The following SWT1 variants were observed in gnomAD, a reference collection of about 807,000 sequenced individuals.
SWT1 encodes SWT1 RNA endoribonuclease homolog.
Under a neutral mutation model 107.3 loss-of-function variants are expected in SWT1, and 33 were observed. The ratio of observed to expected loss-of-function variants is 0.31; its 90% CI spans 0.23 to 0.41. SWT1 has a LOEUF of 0.41. Among genes scored for constraint, SWT1 ranks in the 10% least tolerant of loss-of-function variants. SWT1 has a pLI of 1.00. For synonymous variants in SWT1, 345 were observed against 348.3 expected (o/e 0.99, Z 0.11); for missense variants, 898 against 1,028.9 (o/e 0.87, Z 1.74).
intron 9 of SWT1, among the ~76,000 whole-genome samples, chr1:185,190,081 C>G (rs1405943260): frequency 6.6e-6 from 1 of 152,112 alleles, no homozygotes; most frequent in Non-Finnish European, 1.5e-5. Context: ...CTCCTGACCT[C>G]AAGTGATCTG....
chr1:185,196,914 T>G (rs1372572924), intron 10 of SWT1, among the ~76,000 whole-genome samples: 2 of 152,208 alleles, frequency 1.3e-5, no homozygotes, highest in African/African-American at 2.4e-5. Context: ...ACAATTTGAC[T>G]TCTTCTCTTC....
At chr1:185,162,193 C>T (rs1452635490) in intron 2 of SWT1, among the ~76,000 whole-genome samples, 1 of 152,164 alleles carries the variant, frequency 6.6e-6, no homozygotes, top group African/African-American at 2.4e-5. Context: ...ACCCCTCATT[C>T]CTTAAACCTA....
chr1:185,206,547 G>C (rs1248154904), intron 12 of SWT1, 78 bp from the exon 13 acceptor site: 1 of 832,874 alleles, frequency 1.2e-6, no homozygotes, highest in Admixed American at 3.1e-5. Context: ...AATATATGTA[G>C]GAATTCCTAA....
At chr1:185,244,419 A>G (rs993453036) in intron 16 of SWT1, among the ~76,000 whole-genome samples, 5 of 152,196 alleles carry the variant, frequency 3.3e-5, no homozygotes, top group South Asian at 4.1e-4. Flanking sequence ...TTGTAACACA[A>G]TGGTAATTAT....
chr1:185,171,629 T>TG, intron 4 of SWT1: 1 of 527,568 alleles, frequency 1.9e-6, no homozygotes. Flanking sequence ...TTCTATGGGG[T>TG]GGGTGCAATC....
intron 15 of SWT1, among the ~76,000 whole-genome samples, chr1:185,225,936 A>C (rs900792627): frequency 3.3e-5 from 5 of 152,256 alleles, no homozygotes; most frequent in Non-Finnish European, 7.3e-5. Context: ...TGTCATGCTA[A>C]AGAAATAACA....
chr1:185,211,020 C>CCGCT (rs36148427), intron 13 of SWT1, among the ~76,000 whole-genome samples: 46,269 of 151,680 alleles, frequency 0.31, 7,341 homozygotes, highest in Non-Finnish European at 0.36. Flanking sequence ...GAACTACAAA[C>CCGCT]CGCTGCTCAA....
In SWT1 at chr1:185,168,226, G is replaced by A. The variant is rs527244745; in HGVS notation, c.166-114G>A. 4.2e-5 allele frequency: 25 copies of A among 596,134 alleles called. 1 individual carries two copies. In the South Asian group the frequency reaches 4.5e-4, roughly 11 times the overall value. 36.9% of individuals were successfully genotyped at this position (596,134 alleles called of 1,614,324 possible). ...GGATGATGATAATATCCATCTCACC[G>A]GATTACTGGAAAGATTAAGTAAAAG... On this transcript the variant is annotated intron_variant, in intron 3 of 18. Coordinates refer to ENST00000367500, the MANE Select transcript of SWT1 (RefSeq NM_017673.7).
intron 1 of SWT1, chr1:185,157,626 G>A (rs929537548): frequency 2.0e-5 from 3 of 152,224 alleles, no homozygotes; most frequent in African/African-American, 7.3e-5. Flanking sequence ...TTGGAATTAG[G>A]GTCTGTTCTT....
Position 185,214,548 on chromosome 1 carries a change from C to G in SWT1, c.2014C>G (p.Gln672Glu). ...VDFTTVKFLL[Q>E]DSRSLLHAFS... Reference sequence around the variant, plus strand: ...TTTTACAACAGTCAAATTCTTGCTTCAGGATTCTAGAAGTTTGTTACATGC... The same window carrying G: ...TTTTACAACAGTCAAATTCTTGCTTGAGGATTCTAGAAGTTTGTTACATGC... Residue 672 changes from glutamine (Q) to glutamate (E), a missense_variant, in exon 14 of 19, where the codon CAG (glutamine) becomes GAG (glutamate). This residue lies in a region of SWT1 where 382 missense variants were observed against 460.0 expected (regional missense o/e 0.83). Transcript: ENST00000367500. 1 of 1,610,724 alleles carries G rather than the reference C, an allele frequency of 6.2e-7. No homozygotes were observed. The highest frequency in any genetic ancestry group is 8.5e-7 in the Non-Finnish European group (1 of 1,178,544).
intron 14 of SWT1, among the ~76,000 whole-genome samples, chr1:185,216,371 C>T (rs985678031): frequency 6.6e-6 from 1 of 151,832 alleles, no homozygotes; most frequent in African/African-American, 2.4e-5. Flanking sequence ...TTCTCCTTTC[C>T]CGTCACAAAA....
chr1:185,187,984 C>T lies in SWT1; in HGVS notation c.1430-2565C>T, dbSNP rs190361543. ...CTGGGATTACAGGTGTGAGCCACCG[C>T]GCCTTGCCAAGCTGCATCTTAAGTA... On this transcript the variant is annotated intron_variant, in intron 9 of 18. Transcript: ENST00000367500. Among the ~76,000 whole-genome samples the T allele has an allele frequency of 3.5e-3, 532 of 152,312 alleles. 4 individuals carry two copies. Among genetic ancestry groups the T allele is most frequent in the African/African-American group, 0.012 (486 of 41,570 alleles).
intron 18 of SWT1, among the ~76,000 whole-genome samples, chr1:185,278,794 A>T (rs1229027081): frequency 1.3e-5 from 2 of 152,222 alleles, no homozygotes; most frequent in African/African-American, 4.8e-5. Context: ...CATTTTTAAA[A>T]AGGTAGGAAC....
At chr1:185,182,130 A>T (rs1656071329) in intron 7 of SWT1, 73 bp downstream of exon 7, 5 of 1,446,704 alleles carry the variant, frequency 3.5e-6, no homozygotes, top group African/African-American at 2.8e-5. Flanking sequence ...TTCAATTTTT[A>T]TAATATTTAG....
chr1:185,285,167 C>T (rs1237799527), intron 18 of SWT1, among the ~76,000 whole-genome samples: 2 of 152,250 alleles, frequency 1.3e-5, no homozygotes, highest in East Asian at 1.9e-4. Flanking sequence ...CCCCGTGGGC[C>T]CCTGGGTTCA....
intron 16 of SWT1, among the ~76,000 whole-genome samples, chr1:185,250,669 A>T (rs950730146): frequency 6.6e-6 from 1 of 151,996 alleles, no homozygotes; most frequent in Admixed American, 6.6e-5. Context: ...ATTTAATTTA[A>T]TTTTATTTTT....
chr1:185,182,668 CAAAAAAAAAAA>C (rs59326029), intron 7 of SWT1, among the ~76,000 whole-genome samples: 1 of 67,022 alleles, frequency 1.5e-5, no homozygotes, highest in East Asian at 4.8e-4. Context: ...CTCTCTCTCT[CAAAAAAAAAAA>C]AAAAAAAAAA....
chr1:185,269,367 G>GTT lies in SWT1; in HGVS notation c.2442-1952_2442-1951dup, dbSNP rs1191849201. Among the ~76,000 whole-genome samples the GTT allele has an allele frequency of 2.3e-3, 303 of 132,460 alleles. 3 individuals are homozygous for GTT. Among genetic ancestry groups the GTT allele is most frequent in the African/African-American group, 8.5e-3 (278 of 32,606 alleles). The allele number at this position is 132,460 out of a possible 152,430, so 86.9% of individuals were successfully genotyped here. A position where few individuals can be genotyped will look rare whatever the true frequency, so the allele number is the denominator to read the frequency against. On this transcript the variant is annotated intron_variant, in intron 16 of 18. Coordinates refer to ENST00000367500, the MANE Select transcript of SWT1 (RefSeq NM_017673.7). ...CAGGGCTTTTTTGGAGGGTTAAGAGGTTTTTGTTTTTTTTTTTTTTTGTAT... is the reference window on the plus strand; with the variant it reads ...CAGGGCTTTTTTGGAGGGTTAAGAGGTTTTTTTGTTTTTTTTTTTTTTTGTAT...
intron 18 of SWT1, among the ~76,000 whole-genome samples, chr1:185,288,270 A>T (rs1665060224): frequency 6.6e-6 from 1 of 152,156 alleles, no homozygotes; most frequent in Non-Finnish European, 1.5e-5. Flanking sequence ...TTTAGGGAGC[A>T]GGTCACACTG....
Sources: allele counts gnomAD v4.1 joint callset (sites outside exome capture counted in the v4.1 genomes callset), GRCh38; gene constraint gnomAD v4.1.1; regional missense constraint gnomAD v4.1.1; transcripts MANE v1.5; gene names NCBI Gene and HGNC (gene_info 2026-07-23, HGNC 2026-07-21).